The following NTNG2 variants were observed in gnomAD, a reference collection of about 807,000 sequenced individuals.
NTNG2 encodes the protein netrin G2.
Under a neutral mutation model 47.6 loss-of-function variants are expected in NTNG2, and 15 were observed. That is an observed-to-expected ratio of 0.32 (90% CI 0.21 to 0.49). The LOEUF (loss-of-function observed/expected upper bound fraction) is 0.49. Ranked by LOEUF, NTNG2 falls within the 20% of genes least tolerant of loss-of-function variation. NTNG2 has a pLI of 0.99. For missense variants in NTNG2, 578 were observed against 764.6 expected, an observed-to-expected ratio of 0.76 and a Z score of 2.88; for synonymous variants, 307 against 324.6, an observed-to-expected ratio of 0.95 and a Z score of 0.58.
chr9:132,226,011 T>TG lies in NTNG2; in HGVS notation c.858-833dup, dbSNP rs930789681. Among the ~76,000 whole-genome samples, 2 of 152,000 alleles carry TG rather than the reference T, an allele frequency of 1.3e-5. No homozygotes were observed. The highest frequency in any genetic ancestry group is 4.8e-5 in the African/African-American group (2 of 41,374). Reference sequence around the variant, plus strand: ...CAGGTTCAGTTGCTTTGGCTTCGGGTGGGGGTGTGTTCTTCTAGAGACGCT... The same window carrying TG: ...CAGGTTCAGTTGCTTTGGCTTCGGGTGGGGGGTGTGTTCTTCTAGAGACGCT... On this transcript the variant is annotated intron_variant, in intron 3 of 7. Transcript: ENST00000393229. The surrounding 1 kb of genome is among the most constrained non-coding windows in gnomAD (Gnocchi z 4.8).
intron 3 of NTNG2, among the ~76,000 whole-genome samples, chr9:132,224,069 C>G (rs2130916482): frequency 6.6e-6 from 1 of 151,962 alleles, no homozygotes; most frequent in Non-Finnish European, 1.5e-5. Context: ...TTCCTGGAAA[C>G]TGTGGACTCC....
chr9:132,223,081 T>G (rs1840462724), intron 3 of NTNG2, among the ~76,000 whole-genome samples: 1 of 152,188 alleles, frequency 6.6e-6, no homozygotes, highest in Non-Finnish European at 1.5e-5. Context: ...GCCACGGCAC[T>G]CCAGCCTGGG....
At chr9:132,230,746 T>C (rs1589541614) in intron 5 of NTNG2, 151 bp downstream of exon 5, 2 of 726,008 alleles carry the variant, frequency 2.8e-6, no homozygotes, top group Non-Finnish European at 4.7e-6. Context: ...CCCCATCTGC[T>C]TCTCCACCTC....
At chr9:132,223,597 G>A (rs1000055180) in intron 3 of NTNG2, among the ~76,000 whole-genome samples, 3 of 152,100 alleles carry the variant, frequency 2.0e-5, no homozygotes, top group Non-Finnish European at 4.4e-5. Context: ...CAGTCAGGGG[G>A]AAACGGAAGT....
rs1364566053 is a variant in NTNG2 at position 132,216,422 on chromosome 9, GTGTGTA to G, written c.858-10421_858-10416del. On this transcript the variant is annotated intron_variant, in intron 3 of 7. Transcript: ENST00000393229. The stretch of plus-strand genomic sequence containing the variant: ...TCTCTCTCTCTCTCTCTCTGTGTGT[GTGTGTA>G]TGTGTGTGTGTGTGTGTGTGTGTGT... Among the ~76,000 whole-genome samples, 271 of 33,700 alleles carry G rather than the reference GTGTGTA, an allele frequency of 8.0e-3. 1 individual carries two copies. Among genetic ancestry groups the G allele is most frequent in the African/African-American group, 0.027 (232 of 8,518 alleles). 22.1% of individuals were successfully genotyped at this position (33,700 alleles called of 152,430 possible).
intron 3 of NTNG2, among the ~76,000 whole-genome samples, chr9:132,217,178 C>T (rs1179432368): frequency 3.3e-5 from 5 of 152,232 alleles, no homozygotes; most frequent in South Asian, 2.1e-4. Context: ...TGCGTTTTCA[C>T]GAGGATTTGT....
rs112179857 is a variant in NTNG2 at position 132,162,555 on chromosome 9, T to TGTGTGAGAGA, written c.-484+317_-484+318insTGTGAGAGAG. 4.3e-3 allele frequency among the ~76,000 whole-genome samples: 600 copies of TGTGTGAGAGA among 139,458 alleles called. 12 individuals carry two copies. Among genetic ancestry groups the TGTGTGAGAGA allele is most frequent in the Middle Eastern group, 7.1e-3 (2 of 280 alleles). 91.5% of individuals were successfully genotyped at this position (139,458 alleles called of 152,430 possible). ...GTGAGAGTGTGTGTGTGTGTGTGTG[T>TGTGTGAGAGA]GAGAGAGAGACAGAGTGTGTGTGTG... On this transcript the variant is annotated intron_variant, in intron 1 of 7. Coordinates refer to ENST00000393229, the MANE Select transcript of NTNG2 (RefSeq NM_032536.4). This position sits in a 1 kb window ranked among gnomAD's most constrained non-coding sequence, Gnocchi z 4.6.
chr9:132,225,112 T>A (rs1187709332), intron 3 of NTNG2, among the ~76,000 whole-genome samples: 3 of 152,218 alleles, frequency 2.0e-5, no homozygotes, highest in Admixed American at 6.5e-5. Flanking sequence ...AGATGGGGTT[T>A]CACCATGTCG....
intron 3 of NTNG2, among the ~76,000 whole-genome samples, chr9:132,216,427 T>TGTG: frequency 3.3e-5 from 1 of 30,462 alleles, no homozygotes; most frequent in African/African-American, 1.4e-4. Flanking sequence ...TGTGTGTGTG[T>TGTG]ATGTGTGTGT....
At chr9:132,177,319 T>C (rs1282118512) in intron 2 of NTNG2, among the ~76,000 whole-genome samples, 1 of 152,158 alleles carries the variant, frequency 6.6e-6, no homozygotes, top group Non-Finnish European at 1.5e-5. Flanking sequence ...AATGTGTGTA[T>C]TTTTTTCTTT....
chr9:132,174,347 C>T (rs1836238726), intron 2 of NTNG2, among the ~76,000 whole-genome samples: 1 of 138,780 alleles, frequency 7.2e-6, no homozygotes, highest in Non-Finnish European at 1.5e-5. Context: ...CAGGTCGAAC[C>T]ATGCTGCAGA....
chr9:132,228,961 T>G (rs1445384159), intron 4 of NTNG2, among the ~76,000 whole-genome samples: 1 of 152,086 alleles, frequency 6.6e-6, no homozygotes, highest in Non-Finnish European at 1.5e-5. Flanking sequence ...GAGGATCCAC[T>G]GTCCCCACCC....
intron 3 of NTNG2, among the ~76,000 whole-genome samples, chr9:132,224,839 C>CTCTCATTCACTGA (rs1840618869): frequency 1.3e-5 from 2 of 152,168 alleles, no homozygotes; most frequent in Admixed American, 1.3e-4. Context: ...CTGCAGTTAC[C>CTCTCATTCACTGA]AACTAGTGAA....
intron 3 of NTNG2, among the ~76,000 whole-genome samples, chr9:132,220,260 T>C (rs1281244592): frequency 6.6e-6 from 1 of 152,236 alleles, no homozygotes; most frequent in Non-Finnish European, 1.5e-5. Flanking sequence ...AGCTATGTCA[T>C]GACTTGCAAA....
chr9:132,225,461 G>A (rs765782093), intron 3 of NTNG2, among the ~76,000 whole-genome samples: 1 of 152,030 alleles, frequency 6.6e-6, no homozygotes, highest in Non-Finnish European at 1.5e-5. Flanking sequence ...GTAGAAACAG[G>A]ATCTTACTAT....
chr9:132,238,499 T>C (rs567020317), intron 5 of NTNG2, among the ~76,000 whole-genome samples: 28 of 152,178 alleles, frequency 1.8e-4, no homozygotes, highest in Admixed American at 1.4e-3. Flanking sequence ...TGGCACTCAC[T>C]CTTAGCATCC....
chr9:132,174,648 A>G (rs1836271685), intron 2 of NTNG2, among the ~76,000 whole-genome samples: 1 of 152,188 alleles, frequency 6.6e-6, no homozygotes, highest in African/African-American at 2.4e-5. Flanking sequence ...GGCCGGGTGC[A>G]CGGTGGCTCA....
chr9:132,190,179 C>T (rs1441374353), intron 2 of NTNG2, among the ~76,000 whole-genome samples: 2 of 144,154 alleles, frequency 1.4e-5, no homozygotes, highest in Non-Finnish European at 3.0e-5. Flanking sequence ...CTTGCAGTGA[C>T]CCGAGATAGC....
rs1838461289 is a variant in NTNG2 at position 132,198,181 on chromosome 9, C to T, written c.429C>T (p.Tyr143=). 1.9e-6 allele frequency: 3 copies of T among 1,613,568 alleles called. No homozygotes were observed. The highest frequency in any genetic ancestry group is 2.5e-6 in the Non-Finnish European group (3 of 1,180,034). ...ACGACGTGGTGATGACCTTCGAGTA[C>T]GGCCGGCCCACGGTCATGGTCCTGG... is the stretch of plus-strand genomic sequence containing the variant. ...LTDDVVMTFE[Y]GRPTVMVLEK... is the part of the protein sequence containing the mutation. Residue 143 remains tyrosine (Y), a synonymous_variant, in exon 3 of 8, where the codon TAC becomes TAT. Coordinates refer to ENST00000393229, the MANE Select transcript of NTNG2 (RefSeq NM_032536.4).
Sources: allele counts gnomAD v4.1 joint callset (sites outside exome capture counted in the v4.1 genomes callset), GRCh38; gene constraint gnomAD v4.1.1; non-coding constraint Gnocchi (gnomAD v3.1); transcripts MANE v1.5; gene names NCBI Gene and HGNC (gene_info 2026-07-23, HGNC 2026-07-21).